CAPS2: variants seen among roughly 807,000 people sequenced by gnomAD.
The protein encoded by CAPS2 is calcyphosine 2, also known as calcyphosin-2.
CAPS2 carries 98 observed loss-of-function variants against 86.5 expected under a neutral mutation model. That is an observed-to-expected ratio of 1.13 (90% CI 0.96 to 1.34). The LOEUF (loss-of-function observed/expected upper bound fraction) is 1.34. Ranked by LOEUF, CAPS2 falls within the 40% of genes most tolerant of loss-of-function variation. CAPS2 has a pLI of 0.00. For synonymous variants in CAPS2, 210 were observed against 225.1 expected, an observed-to-expected ratio of 0.93 and a Z score of 0.60; for missense variants, 729 against 686.8, an observed-to-expected ratio of 1.06 and a Z score of -0.69.
downstream of CAPS2, chr12:75,276,679 T>C: frequency 1.2e-6 from 1 of 814,594 alleles, no homozygotes. Context: ...TCAACTTTTA[T>C]TTTTAAAATA....
chr12:75,281,666 T>C (rs914571680), intron 16 of CAPS2, among the ~76,000 whole-genome samples: 6 of 152,054 alleles, frequency 3.9e-5, no homozygotes, highest in African/African-American at 1.2e-4. Context: ...TTGACTTCTA[T>C]GGAAGGAAAT....
intron 15 of CAPS2, 76 bp from the exon 16 acceptor site, chr12:75,282,423 G>A: frequency 1.1e-6 from 1 of 942,880 alleles, no homozygotes; most frequent in Non-Finnish European, 1.7e-6. Context: ...GTCTCGCTCT[G>A]TCACCCAGAC....
chr12:75,323,418 C>A (rs1451694022), intron 2 of CAPS2, among the ~76,000 whole-genome samples, 196 bp from the exon 4 acceptor site: 1 of 151,832 alleles, frequency 6.6e-6, no homozygotes, highest in Non-Finnish European at 1.5e-5. Context: ...ATTAAAAATA[C>A]ATATAAATTT....
intron 5 of CAPS2, among the ~76,000 whole-genome samples, chr12:75,317,438 G>T (rs1434299596): frequency 6.6e-6 from 1 of 152,056 alleles, no homozygotes; most frequent in South Asian, 2.1e-4. Context: ...TTAATTTAAT[G>T]CATATATTTA....
chr12:75,290,626 A>G (rs1439337153), intron 13 of CAPS2, among the ~76,000 whole-genome samples: 1 of 152,146 alleles, frequency 6.6e-6, no homozygotes, highest in Non-Finnish European at 1.5e-5. Context: ...ATGAAAATTC[A>G]CAAATTAGGC....
chr12:75,280,325 A>G (rs901032069), intron 16 of CAPS2, among the ~76,000 whole-genome samples: 120 of 151,990 alleles, frequency 7.9e-4, no homozygotes, highest in African/African-American at 2.8e-3. Flanking sequence ...ATAAATAATA[A>G]TGGGGTACTT....
chr12:75,339,412 T>C (rs2041953851), intron 1 of CAPS2, among the ~76,000 whole-genome samples: 1 of 152,180 alleles, frequency 6.6e-6, no homozygotes, highest in South Asian at 2.1e-4. Flanking sequence ...TTGAGAAGTG[T>C]CTGTTCATGT....
intron 1 of CAPS2, among the ~76,000 whole-genome samples, chr12:75,356,920 A>G (rs76049687): frequency 0.059 from 8,909 of 152,260 alleles, 333 homozygotes; most frequent in African/African-American, 0.11. Flanking sequence ...TAGGCACAAC[A>G]GCAGACACGT....
upstream of CAPS2, among the ~76,000 whole-genome samples, chr12:75,329,485 AT>A (rs11382401): frequency 6.6e-6 from 1 of 150,386 alleles, no homozygotes; most frequent in Admixed American, 6.6e-5. Flanking sequence ...CATTTCCCTC[AT>A]TTTTTTTTAA....
exon 17 of CAPS2, chr12:75,277,254 T>C (rs968106361): frequency 1.4e-5 from 14 of 972,702 alleles, no homozygotes; most frequent in South Asian, 4.8e-5. Context: ...CATTTTCTGA[T>C]TATAGTAACA....
downstream of CAPS2, chr12:75,276,944 T>C (rs760368354): frequency 2.0e-6 from 2 of 984,672 alleles, no homozygotes; most frequent in Non-Finnish European, 2.4e-6. Flanking sequence ...GAAATGTCAC[T>C]TCTCTTAAAT....
intron 1 of CAPS2, among the ~76,000 whole-genome samples, chr12:75,385,385 G>A (rs938741333): frequency 1.3e-5 from 2 of 152,002 alleles, no homozygotes; most frequent in Non-Finnish European, 1.5e-5. Context: ...GAAGAGCACT[G>A]GACAAAATCC....
chr12:75,383,580 T>C (rs577982554), intron 1 of CAPS2, among the ~76,000 whole-genome samples: 1 of 152,270 alleles, frequency 6.6e-6, no homozygotes, highest in Non-Finnish European at 1.5e-5. Flanking sequence ...GAATCTACTA[T>C]TATAGTTGGA....
At chr12:75,350,868 G>A (rs991759669) in intron 1 of CAPS2, among the ~76,000 whole-genome samples, 2 of 152,140 alleles carry the variant, frequency 1.3e-5, no homozygotes, top group Non-Finnish European at 2.9e-5. Flanking sequence ...GACAAAAATA[G>A]GGTTCAGAAG....
intron 1 of CAPS2, among the ~76,000 whole-genome samples, chr12:75,357,747 T>C (rs2043246954): frequency 1.3e-5 from 2 of 151,960 alleles, no homozygotes; most frequent in South Asian, 4.1e-4. Flanking sequence ...CTAACATACT[T>C]CTAAATAACT....
intron 1 of CAPS2, among the ~76,000 whole-genome samples, chr12:75,355,543 G>A (rs1374635444): frequency 6.6e-6 from 1 of 152,124 alleles, no homozygotes; most frequent in African/African-American, 2.4e-5. Flanking sequence ...CTCCACAATA[G>A]TCAAACCATT....
chr12:75,344,568 C>G (rs1420698604), intron 1 of CAPS2, among the ~76,000 whole-genome samples: 2 of 151,994 alleles, frequency 1.3e-5, no homozygotes, highest in Non-Finnish European at 2.9e-5. Context: ...AATATTTTCC[C>G]TGCTAGCTCT....
At chr12:75,334,720 C>T, upstream of CAPS2, 2 of 1,611,026 alleles carry the variant, frequency 1.2e-6, no homozygotes, top group East Asian at 2.2e-5. Flanking sequence ...GCATCCTCCA[C>T]ATCCTTCCAT....
exon 13 of CAPS2, chr12:75,291,773 T>A: frequency 6.4e-7 from 1 of 1,565,866 alleles, no homozygotes; most frequent in East Asian, 2.3e-5. Context: ...CAGCCTATCA[T>A]TGGTTTCTTG....
Sources: gnomAD v4.1 joint callset for allele counts (sites outside exome capture counted in the v4.1 genomes callset) on GRCh38, gnomAD v4.1.1 for gene constraint, MANE v1.5 for transcripts, NCBI Gene and HGNC (gene_info 2026-07-23, HGNC 2026-07-21) for gene names.